The following HEMK2 variants were observed in gnomAD, a reference collection of about 807,000 sequenced individuals.
HEMK2 encodes the protein HemK methyltransferase 2, ETF1 glutamine and histone H4 lysine.
the HEMK2 span, among the ~76,000 whole-genome samples, chr21:28,880,550 A>T: frequency 6.6e-6 from 1 of 151,956 alleles, no homozygotes; most frequent in Non-Finnish European, 1.5e-5. Flanking sequence ...TCGCCAACCC[A>T]TGGCCAACAT....
chr21:28,812,385 C>A, the HEMK2 span, among the ~76,000 whole-genome samples: 5 of 152,176 alleles, frequency 3.3e-5, no homozygotes, highest in African/African-American at 1.2e-4. Flanking sequence ...GCCTTTCCTG[C>A]ATCTATTGAG....
chr21:28,771,525 C>CCCCG, the HEMK2 span, among the ~76,000 whole-genome samples: 1 of 143,294 alleles, frequency 7.0e-6, no homozygotes, highest in South Asian at 2.4e-4. Flanking sequence ...ACCACCCCCC[C>CCCCG]CCGCCAAAGA....
At chr21:28,701,756 C>G in the HEMK2 span, among the ~76,000 whole-genome samples, 5 of 152,010 alleles carry the variant, frequency 3.3e-5, no homozygotes, top group African/African-American at 7.2e-5. Flanking sequence ...GCCATATTGC[C>G]CAAAGCAATT....
chr21:28,761,179 A>G, the HEMK2 span, among the ~76,000 whole-genome samples: 1 of 152,106 alleles, frequency 6.6e-6, no homozygotes. Flanking sequence ...TATGTCCTTC[A>G]AGAATCAGTT....
the HEMK2 span, among the ~76,000 whole-genome samples, chr21:28,802,998 T>C: frequency 6.6e-6 from 1 of 152,166 alleles, no homozygotes; most frequent in Non-Finnish European, 1.5e-5. Context: ...TTTAAGAACT[T>C]CAAGATGGCA....
At chr21:28,730,478 C>A in the HEMK2 span, among the ~76,000 whole-genome samples, 1 of 151,728 alleles carries the variant, frequency 6.6e-6, no homozygotes, top group Admixed American at 6.6e-5. Context: ...TGGCTCAGGG[C>A]CTCTCACCAG....
the HEMK2 span, among the ~76,000 whole-genome samples, chr21:28,808,330 T>C: frequency 6.6e-6 from 1 of 152,058 alleles, no homozygotes; most frequent in Non-Finnish European, 1.5e-5. Context: ...ACTTTCTTCT[T>C]CTTTTCCAAT....
chr21:28,645,685 T>C, the HEMK2 span, among the ~76,000 whole-genome samples: 2 of 151,994 alleles, frequency 1.3e-5, no homozygotes, highest in Non-Finnish European at 2.9e-5. Flanking sequence ...ACTTTGGGAG[T>C]TGATCAGGTC....
At chr21:28,721,727 T>A in the HEMK2 span, among the ~76,000 whole-genome samples, 1 of 152,164 alleles carries the variant, frequency 6.6e-6, no homozygotes, top group African/African-American at 2.4e-5. Flanking sequence ...ACTAATTACA[T>A]ATATTACTTT....
At chr21:28,825,866 C>G in the HEMK2 span, among the ~76,000 whole-genome samples, 15 of 152,168 alleles carry the variant, frequency 9.9e-5, no homozygotes, top group Non-Finnish European at 2.2e-4. Flanking sequence ...CCTAATTGTG[C>G]TCTTAGAAGA....
At chr21:28,828,515 T>C in the HEMK2 span, among the ~76,000 whole-genome samples, 2 of 152,190 alleles carry the variant, frequency 1.3e-5, no homozygotes, top group Non-Finnish European at 2.9e-5. Context: ...ACAACACATT[T>C]GTAAATAAAT....
the HEMK2 span, among the ~76,000 whole-genome samples, chr21:28,740,759 G>A: frequency 6.6e-6 from 1 of 152,134 alleles, no homozygotes; most frequent in Admixed American, 6.5e-5. Flanking sequence ...AGTCTAGATA[G>A]GCAAGAAAGA....
the HEMK2 span, among the ~76,000 whole-genome samples, chr21:28,720,083 G>A: frequency 6.6e-6 from 1 of 152,200 alleles, no homozygotes; most frequent in Non-Finnish European, 1.5e-5. Flanking sequence ...CCCAAGCACA[G>A]TGCTGAAGTG....
chr21:28,795,905 A>T, the HEMK2 span, among the ~76,000 whole-genome samples: 2 of 152,228 alleles, frequency 1.3e-5, no homozygotes, highest in East Asian at 3.9e-4. Flanking sequence ...AATCTGAGTG[A>T]GAAAATGATC....
At chr21:28,864,878 GTAGATATAGATGATAGA>G in the HEMK2 span, among the ~76,000 whole-genome samples, 5 of 60,980 alleles carry the variant, frequency 8.2e-5, no homozygotes, top group African/African-American at 2.7e-4. Flanking sequence ...TGGATGATAG[GTAGATATAGATGATAGA>G]TAGATATAGA....
chr21:28,831,474 A>AAGAAC, the HEMK2 span, among the ~76,000 whole-genome samples: 60 of 42,374 alleles, frequency 1.4e-3, no homozygotes, highest in East Asian at 7.6e-3. Flanking sequence ...AAAGAAAGAA[A>AAGAAC]GAAAGAAAGA....
the HEMK2 span, among the ~76,000 whole-genome samples, chr21:28,866,637 G>A: frequency 6.6e-6 from 1 of 151,442 alleles, no homozygotes; most frequent in Non-Finnish European, 1.5e-5. Flanking sequence ...GGAGGCTGAG[G>A]CATGAGAATT....
chr21:28,672,298 A>C, the HEMK2 span, among the ~76,000 whole-genome samples: 3 of 151,992 alleles, frequency 2.0e-5, no homozygotes, highest in Non-Finnish European at 4.4e-5. Context: ...CCAATCTATA[A>C]GGGATACTGC....
chr21:28,578,122 T>C, the HEMK2 span, among the ~76,000 whole-genome samples: 4 of 152,340 alleles, frequency 2.6e-5, no homozygotes, highest in East Asian at 7.7e-4. Context: ...GCACTCTGCA[T>C]ACACTCCAGC....
Sources: allele counts gnomAD v4.1 joint callset (sites outside exome capture counted in the v4.1 genomes callset), GRCh38; gene constraint gnomAD v4.1.1; transcripts MANE v1.5; gene names NCBI Gene and HGNC (gene_info 2026-07-23, HGNC 2026-07-21).